SLC5A4: variants seen among roughly 807,000 people sequenced by gnomAD.
The protein encoded by SLC5A4 is probable glucose sensor protein SLC5A4.
SLC5A4 carries 55 observed loss-of-function variants against 70.3 expected under a neutral mutation model. The observed-to-expected ratio is 0.78, with a 90% CI of 0.63 to 0.98. The LOEUF is 0.98. SLC5A4 is among the 50% of genes least tolerant of loss of function. The pLI is 0.00. For synonymous variants in SLC5A4, 268 were observed against 305.7 expected (o/e 0.88, Z 1.29); for missense variants, 735 against 839.2 (o/e 0.88, Z 1.53).
chr22:32,304,518 A>G, the SLC5A4 span, among the ~76,000 whole-genome samples: 4 of 152,054 alleles, frequency 2.6e-5, no homozygotes. Flanking sequence ...GGCTGAAGTG[A>G]CCTTCCCGCC....
chr22:32,329,020 A>T, the SLC5A4 span, among the ~76,000 whole-genome samples: 1 of 152,204 alleles, frequency 6.6e-6, no homozygotes, highest in East Asian at 1.9e-4. Context: ...TGGTGCCAGC[A>T]TGGCTCTGGG....
chr22:32,314,728 TA>T, the SLC5A4 span, among the ~76,000 whole-genome samples: 1 of 152,198 alleles, frequency 6.6e-6, no homozygotes, highest in Non-Finnish European at 1.5e-5. Context: ...TAACTGGACT[TA>T]CAGTTCCACA....
the SLC5A4 span, among the ~76,000 whole-genome samples, chr22:32,347,913 A>G: frequency 6.6e-6 from 1 of 152,192 alleles, no homozygotes; most frequent in Non-Finnish European, 1.5e-5. Context: ...CCACAAAAAA[A>G]AAATCAATGC....
At chr22:32,353,369 G>A in the SLC5A4 span, among the ~76,000 whole-genome samples, 1 of 152,098 alleles carries the variant, frequency 6.6e-6, no homozygotes, top group African/African-American at 2.4e-5. Context: ...CTGCGTGCCC[G>A]GGGGTCCCAG....
At chr22:32,270,711 C>T in the SLC5A4 span, 4 of 662,904 alleles carry the variant, frequency 6.0e-6, no homozygotes, top group East Asian at 2.8e-5. Context: ...ATCAGTTGTA[C>T]TTCATCCCTG....
the SLC5A4 span, among the ~76,000 whole-genome samples, chr22:32,347,690 C>A: frequency 8.4e-6 from 1 of 118,386 alleles, no homozygotes; most frequent in Non-Finnish European, 1.6e-5. Context: ...GAACATCACA[C>A]ACTGGGGACT....
chr22:32,325,889 G>A, the SLC5A4 span, among the ~76,000 whole-genome samples: 54 of 152,320 alleles, frequency 3.5e-4, 1 homozygote, highest in South Asian at 2.1e-4. Context: ...AGCCCCTCTC[G>A]TCCAGGGCAG....
the SLC5A4 span, among the ~76,000 whole-genome samples, chr22:32,349,208 CATG>C: frequency 6.6e-6 from 1 of 151,948 alleles, no homozygotes; most frequent in South Asian, 2.1e-4. Context: ...CTCCTGACCT[CATG>C]ATCCACCCAC....
intron 10 of SLC5A4, among the ~76,000 whole-genome samples, chr22:32,230,697 T>C (rs1233795752): frequency 6.6e-6 from 1 of 152,278 alleles, no homozygotes; most frequent in Non-Finnish European, 1.5e-5. Context: ...AACTCTTTTA[T>C]TGACAAATGG....
the SLC5A4 span, among the ~76,000 whole-genome samples, chr22:32,261,155 T>C: frequency 8.6e-5 from 13 of 151,636 alleles, no homozygotes; most frequent in African/African-American, 2.7e-4. Context: ...GGCTAAACAA[T>C]ATGCACAGGG....
At chr22:32,306,253 TAGG>T in the SLC5A4 span, among the ~76,000 whole-genome samples, 3 of 152,078 alleles carry the variant, frequency 2.0e-5, no homozygotes, top group East Asian at 1.9e-4. Flanking sequence ...ATCACGAGGT[TAGG>T]AGATCGAGAC....
the SLC5A4 span, among the ~76,000 whole-genome samples, chr22:32,321,062 C>A: frequency 2.6e-5 from 4 of 152,170 alleles, no homozygotes; most frequent in Non-Finnish European, 4.4e-5. Flanking sequence ...CCGAGGCAGG[C>A]GGATCACCAG....
chr22:32,252,304 A>G (rs781664898), intron 2 of SLC5A4, among the ~76,000 whole-genome samples: 41 of 152,188 alleles, frequency 2.7e-4, no homozygotes, highest in Admixed American at 5.9e-4. Flanking sequence ...GGAGTCAAGC[A>G]AACAATGGCC....
chr22:32,253,702 G>C (rs1204862275), intron 2 of SLC5A4, among the ~76,000 whole-genome samples: 1 of 152,176 alleles, frequency 6.6e-6, no homozygotes, highest in East Asian at 1.9e-4. Flanking sequence ...CCATGAAGTC[G>C]GGGATTTAGG....
At chr22:32,285,976 T>C in the SLC5A4 span, among the ~76,000 whole-genome samples, 1 of 152,160 alleles carries the variant, frequency 6.6e-6, no homozygotes, top group South Asian at 2.1e-4. Flanking sequence ...GACCTCATGA[T>C]CTGCCTGCCT....
chr22:32,303,940 T>G, the SLC5A4 span, among the ~76,000 whole-genome samples: 1 of 152,218 alleles, frequency 6.6e-6, no homozygotes, highest in Non-Finnish European at 1.5e-5. Context: ...CTCCTGTTTC[T>G]CCACATTCTC....
At chr22:32,343,444 C>T in the SLC5A4 span, among the ~76,000 whole-genome samples, 9 of 152,070 alleles carry the variant, frequency 5.9e-5, no homozygotes, top group Admixed American at 2.0e-4. Flanking sequence ...AAAAACAACA[C>T]GGTAAAAGCA....
chr22:32,298,798 GTTCCT>G, the SLC5A4 span, among the ~76,000 whole-genome samples: 9 of 115,554 alleles, frequency 7.8e-5, no homozygotes, highest in Non-Finnish European at 1.6e-4. Context: ...GGTACTGGTT[GTTCCT>G]TTCCATGTTT....
chr22:32,279,927 G>T, the SLC5A4 span, among the ~76,000 whole-genome samples: 16 of 152,226 alleles, frequency 1.1e-4, no homozygotes, highest in South Asian at 3.1e-3. Context: ...CTGGGGGAGG[G>T]GCTGCTCAAG....
Sources: gnomAD v4.1 joint callset for allele counts (sites outside exome capture counted in the v4.1 genomes callset) on GRCh38, gnomAD v4.1.1 for gene constraint, MANE v1.5 for transcripts, NCBI Gene and HGNC (gene_info 2026-07-23, HGNC 2026-07-21) for gene names.